Variants in TMEM135 observed in about 807,000 individuals in gnomAD.
TMEM135 encodes the protein transmembrane protein 135.
A neutral mutation model predicts 60.3 loss-of-function variants in TMEM135; 30 were observed. The observed-to-expected ratio is 0.50, with a 90% CI of 0.37 to 0.68. The LOEUF is 0.68. Among genes scored for constraint, TMEM135 ranks in the 30% least tolerant of loss-of-function variants. The pLI is 0.00. For synonymous variants in TMEM135, 190 were observed against 186.7 expected (o/e 1.02, Z -0.14); for missense variants, 468 against 548.8 (o/e 0.85, Z 1.47).
At chr11:87,306,237 G>A (rs2135444246) in intron 9 of TMEM135, among the ~76,000 whole-genome samples, 1 of 152,182 alleles carries the variant, frequency 6.6e-6, no homozygotes, top group Non-Finnish European at 1.5e-5. Flanking sequence ...TTTAAAAATT[G>A]GCTTAATTAA....
intron 7 of TMEM135, among the ~76,000 whole-genome samples, chr11:87,298,676 G>A (rs1179658998): frequency 6.6e-6 from 1 of 151,050 alleles, no homozygotes; most frequent in African/African-American, 2.4e-5. Context: ...AATTCCAGAT[G>A]CTTGGGAGGC....
At chr11:87,104,059 G>C (rs960927708) in intron 4 of TMEM135, among the ~76,000 whole-genome samples, 6 of 152,082 alleles carry the variant, frequency 3.9e-5, no homozygotes, top group South Asian at 4.2e-4. Flanking sequence ...GTCATTTTAT[G>C]GAAGAGCTTA....
intron 6 of TMEM135, among the ~76,000 whole-genome samples, chr11:87,281,647 C>T (rs1030313435): frequency 6.6e-6 from 1 of 152,126 alleles, no homozygotes; most frequent in Admixed American, 6.5e-5. Flanking sequence ...GTTCAAAAAC[C>T]TTTGCTGCCC....
At chr11:87,120,472 C>CTTTTTTTTTTTTT (rs541561365) in intron 4 of TMEM135, among the ~76,000 whole-genome samples, 1 of 104,224 alleles carries the variant, frequency 9.6e-6, no homozygotes, top group Non-Finnish European at 1.8e-5. Flanking sequence ...GATGAAATTT[C>CTTTTTTTTTTTTT]TTTTTTTTTT....
intron 5 of TMEM135, among the ~76,000 whole-genome samples, chr11:87,221,805 T>C (rs531331343): frequency 1.3e-5 from 2 of 152,328 alleles, no homozygotes; most frequent in Admixed American, 6.5e-5. Flanking sequence ...GAAACAAAGC[T>C]AGCTCAGCAT....
At chr11:87,320,148 A>G (rs1312252535) in intron 14 of TMEM135, among the ~76,000 whole-genome samples, 1 of 152,170 alleles carries the variant, frequency 6.6e-6, no homozygotes, top group East Asian at 1.9e-4. Flanking sequence ...TACAATATCC[A>G]TGTATACATA....
chr11:87,065,008 A>G (rs1193198050), intron 1 of TMEM135, among the ~76,000 whole-genome samples: 4 of 151,944 alleles, frequency 2.6e-5, no homozygotes, highest in Admixed American at 2.0e-4. Flanking sequence ...AGGTTGTTTC[A>G]TATATGCTTT....
At chr11:87,152,496 C>G (rs1938581933) in intron 4 of TMEM135, among the ~76,000 whole-genome samples, 1 of 152,162 alleles carries the variant, frequency 6.6e-6, no homozygotes. Context: ...CTCTTGACGC[C>G]CAGGCTGGGC....
At chr11:87,081,341 T>C (rs569831174) in intron 3 of TMEM135, among the ~76,000 whole-genome samples, 1 of 152,054 alleles carries the variant, frequency 6.6e-6, no homozygotes, top group South Asian at 2.1e-4. Flanking sequence ...TAATTTTTTT[T>C]TTCGTTATTT....
At chr11:87,305,117 G>T (rs1942516553) in intron 8 of TMEM135, among the ~76,000 whole-genome samples, 1 of 152,036 alleles carries the variant, frequency 6.6e-6, no homozygotes, top group Non-Finnish European at 1.5e-5. Context: ...ACTATATCAT[G>T]TTTCTTTTCC....
intron 4 of TMEM135, among the ~76,000 whole-genome samples, chr11:87,098,480 T>G (rs901480459): frequency 5.8e-4 from 88 of 152,238 alleles, no homozygotes; most frequent in African/African-American, 2.1e-3. Flanking sequence ...ACATGACTTA[T>G]TTTGAACTGC....
chr11:87,309,457 A>T, intron 9 of TMEM135, 48 bp from the exon 10 acceptor site: 1 of 1,606,392 alleles, frequency 6.2e-7, no homozygotes, highest in Non-Finnish European at 8.5e-7. Context: ...TCTATCAAAA[A>T]CTTCAAAATT....
At chr11:87,102,154 C>G (rs1218113231) in intron 4 of TMEM135, among the ~76,000 whole-genome samples, 9 of 152,172 alleles carry the variant, frequency 5.9e-5, no homozygotes, top group Non-Finnish European at 1.3e-4. Context: ...TCAGATTCCA[C>G]TGGTTGAGGG....
At chr11:87,243,696 T>G (rs1442142499) in intron 6 of TMEM135, among the ~76,000 whole-genome samples, 4 of 86,170 alleles carry the variant, frequency 4.6e-5, no homozygotes, top group Admixed American at 3.0e-4. Flanking sequence ...TTTTTGTACA[T>G]TGATTTTGTA....
intron 12 of TMEM135, among the ~76,000 whole-genome samples, chr11:87,316,421 C>G (rs1009794319): frequency 6.6e-6 from 1 of 151,896 alleles, no homozygotes; most frequent in African/African-American, 2.4e-5. Context: ...GTTTTTTTCT[C>G]AGTGCACTGG....
rs545240699 is a variant in TMEM135 at position 87,312,270 on chromosome 11, A to G, written c.937-1155A>G. 1.7e-4 allele frequency among the ~76,000 whole-genome samples: 25 copies of G among 149,506 alleles called. 1 individual carries two copies. The South Asian group carries it at 4.8e-3, about 29-fold the overall frequency. On this transcript the variant is annotated intron_variant, in intron 10 of 14. Transcript: ENST00000305494. ...TGCCTTATTATTTGTACTTGCTTTA[A>G]TTTAGTGGCTGCCTTAACATTTTAT...
intron 6 of TMEM135, among the ~76,000 whole-genome samples, chr11:87,261,454 C>T (rs1427983975): frequency 6.6e-6 from 1 of 152,206 alleles, no homozygotes; most frequent in South Asian, 2.1e-4. Context: ...AATTAGAAGT[C>T]TCCGTTTCTT....
intron 5 of TMEM135, among the ~76,000 whole-genome samples, chr11:87,223,991 A>G (rs531046715): frequency 2.6e-5 from 4 of 152,354 alleles, no homozygotes; most frequent in African/African-American, 9.6e-5. Context: ...GATATGAGCA[A>G]TACCATGCCT....
chr11:87,175,608 A>G (rs505429), intron 5 of TMEM135, among the ~76,000 whole-genome samples: 53,102 of 152,066 alleles, frequency 0.35, 9,680 homozygotes, highest in East Asian at 0.6. Context: ...AACAAACAAC[A>G]TCTGTTTAAG....
Sources: gnomAD v4.1 joint callset for allele counts (sites outside exome capture counted in the v4.1 genomes callset) on GRCh38, gnomAD v4.1.1 for gene constraint, MANE v1.5 for transcripts, NCBI Gene and HGNC (gene_info 2026-07-23, HGNC 2026-07-21) for gene names.